Variants in MTHFD1L observed in about 807,000 individuals in gnomAD.
MTHFD1L encodes monofunctional C1-tetrahydrofolate synthase, mitochondrial.
Under a neutral mutation model 119.5 loss-of-function variants are expected in MTHFD1L, and 81 were observed. The ratio of observed to expected loss-of-function variants is 0.68; its 90% CI spans 0.57 to 0.82. The LOEUF (loss-of-function observed/expected upper bound fraction) is 0.82, where lower values mean the gene tolerates loss of function less well. MTHFD1L is among the 40% of genes least tolerant of loss of function. The probability of loss-of-function intolerance (pLI) is 0.00; values close to 1 mark genes in which losing one functional copy is unlikely to be tolerated. For missense variants in MTHFD1L, 1,125 were observed against 1,253.4 expected (o/e 0.90, Z 1.55); for synonymous variants, 430 against 475.2 (o/e 0.90, Z 1.24).
At chr6:150,932,891 G>GAAGGAAGA (rs1554253997) in intron 11 of MTHFD1L, among the ~76,000 whole-genome samples, 1 of 149,814 alleles carries the variant, frequency 6.7e-6, no homozygotes, top group Non-Finnish European at 1.5e-5. Flanking sequence ...AGGAAGGAAG[G>GAAGGAAGA]AAGGAAAAGA....
intron 26 of MTHFD1L, among the ~76,000 whole-genome samples, chr6:151,048,931 A>G (rs375717276): frequency 8.5e-5 from 13 of 152,114 alleles, no homozygotes; most frequent in African/African-American, 2.7e-4. Context: ...ATTCAATTCA[A>G]TCCTGACACT....
At chr6:150,877,460 C>G (rs1310766280) in intron 2 of MTHFD1L, among the ~76,000 whole-genome samples, 174 bp from the exon 3 acceptor site, 2 of 152,192 alleles carry the variant, frequency 1.3e-5, no homozygotes, top group South Asian at 2.1e-4. Flanking sequence ...TGAGGAATTA[C>G]TCTGTTAAAT....
chr6:150,924,942 G>C (rs557913577), intron 10 of MTHFD1L, among the ~76,000 whole-genome samples: 19 of 152,298 alleles, frequency 1.2e-4, no homozygotes, highest in Middle Eastern at 6.8e-3. Context: ...GTACTTGAGG[G>C]GGGTAACCTG....
intron 18 of MTHFD1L, among the ~76,000 whole-genome samples, chr6:150,963,483 TAC>T (rs1264680800): frequency 2.0e-5 from 3 of 149,800 alleles, no homozygotes; most frequent in East Asian, 3.9e-4. Context: ...AATAAATACA[TAC>T]AGTTTTATCT....
intron 20 of MTHFD1L, among the ~76,000 whole-genome samples, chr6:150,978,791 A>G (rs1777005230): frequency 6.6e-6 from 1 of 152,156 alleles, no homozygotes; most frequent in African/African-American, 2.4e-5. Context: ...GAAGCTTAGC[A>G]AGATGATGAT....
At chr6:150,893,591 C>T (rs1053400389) in intron 7 of MTHFD1L, among the ~76,000 whole-genome samples, 1 of 152,204 alleles carries the variant, frequency 6.6e-6, no homozygotes, top group Non-Finnish European at 1.5e-5. Flanking sequence ...CCCCTCAACA[C>T]ATACCTGCTG....
In MTHFD1L at chr6:150,903,649, T is replaced by TTTGGGC. The variant is rs1321675240; in HGVS notation, c.781-1999_781-1994dup. 4.6e-5 allele frequency among the ~76,000 whole-genome samples: 7 copies of TTTGGGC among 152,128 alleles called. No homozygotes were observed. The South Asian group carries it at 1.2e-3, about 27-fold the overall frequency. On this transcript the variant is annotated intron_variant, in intron 7 of 27. Transcript: ENST00000367321. ...ATGTTGCCCAAGCTGTTCTCAAACTTTTGGGCTCAAGCAGTCTTCCCACCC... is the reference window on the plus strand; with the variant it reads ...ATGTTGCCCAAGCTGTTCTCAAACTTTTGGGCTTGGGCTCAAGCAGTCTTCCCACCC...
intron 25 of MTHFD1L, among the ~76,000 whole-genome samples, chr6:151,035,457 G>A (rs143400047): frequency 0.012 from 1,860 of 152,142 alleles, 32 homozygotes; most frequent in African/African-American, 0.041. Context: ...AAATGCTGCC[G>A]TTGCCAGCCA....
chr6:151,006,372 G>A lies in MTHFD1L; in HGVS notation c.2126-3447G>A, dbSNP rs185864253. On this transcript the variant is annotated intron_variant, in intron 20 of 27. Coordinates refer to ENST00000367321, the MANE Select transcript of MTHFD1L (RefSeq NM_015440.5). ...GGTGACAACAAGTAACATAGAGTAT[G>A]TGGGCTGTGCCGGAAGCTTGATATT... Among the ~76,000 whole-genome samples the A allele has an allele frequency of 3.3e-5, 5 of 152,266 alleles. No individual in the cohort carries two copies. The East Asian group carries it at 9.7e-4, about 29-fold the overall frequency.
intron 20 of MTHFD1L, among the ~76,000 whole-genome samples, chr6:150,976,426 T>C (rs4869705): frequency 0.44 from 66,195 of 152,066 alleles, 16,704 homozygotes; most frequent in African/African-American, 0.66. Flanking sequence ...TGTGAGCAAA[T>C]TGACACCAAT....
rs537334268 is a variant in MTHFD1L, at chr6:150,905,190, C to T, written c.781-460C>T. On this transcript the variant is annotated intron_variant, in intron 7 of 27. Transcript: ENST00000367321. ...CTGAGATTACAGGCCCCCACCAGCA[C>T]GCCTGGCTAATTTTTGTATTTTTAG... 2.1e-3 allele frequency among the ~76,000 whole-genome samples: 323 copies of T among 151,878 alleles called. 1 individual carries two copies. The highest frequency in any genetic ancestry group is 4.0e-3 in the Non-Finnish European group (272 of 67,940).
At position 151,039,850 on chromosome 6, in the gene MTHFD1L, A is replaced by C. The variant is rs1277807574; in HGVS notation, c.2847+2733A>C. On this transcript the variant is annotated intron_variant, in intron 26 of 27. Transcript: ENST00000367321. This position sits in a 1 kb window ranked among gnomAD's most constrained non-coding sequence, Gnocchi z 4.4. ...GAATCGCTTGAACCCGGGAGGCAGA[A>C]GTTGCAGTAAGCCAAGATTGCGCCA... Among the ~76,000 whole-genome samples the C allele has an allele frequency of 2.0e-5, 3 of 152,078 alleles. No homozygotes were observed. The highest frequency in any genetic ancestry group is 7.2e-5 in the African/African-American group (3 of 41,396).
chr6:151,005,683 A>G (rs1264540924), intron 20 of MTHFD1L, among the ~76,000 whole-genome samples: 1 of 152,180 alleles, frequency 6.6e-6, no homozygotes, highest in African/African-American at 2.4e-5. Flanking sequence ...CTGAGGTGGG[A>G]GAATCAATTG....
intron 27 of MTHFD1L, among the ~76,000 whole-genome samples, chr6:151,095,270 A>G (rs1014735596): frequency 6.6e-6 from 1 of 152,324 alleles, no homozygotes; most frequent in South Asian, 2.1e-4. Context: ...TGTGTTGCCA[A>G]TGTCTTCCAT....
chr6:150,930,652 C>T (rs1790885326), intron 11 of MTHFD1L, among the ~76,000 whole-genome samples: 2 of 151,798 alleles, frequency 1.3e-5, no homozygotes, highest in South Asian at 4.2e-4. Flanking sequence ...AAATCTTTTT[C>T]CATGCTTTAG....
rs560789722 is a variant in MTHFD1L at position 150,983,232 on chromosome 6, A to C, written c.2125+11174A>C. 2.0e-5 allele frequency among the ~76,000 whole-genome samples: 3 copies of C among 152,066 alleles called. No homozygotes were observed. The East Asian group carries it at 5.8e-4, about 30-fold the overall frequency. ...TTCTCCCCTGTATGGCTTATCTTTT[A>C]AATATGCTTGTTGTACCTTTTCTTG... On this transcript the variant is annotated intron_variant, in intron 20 of 27. Transcript: ENST00000367321.
chr6:150,914,894 A>G (rs1787587812), intron 8 of MTHFD1L, among the ~76,000 whole-genome samples: 1 of 152,112 alleles, frequency 6.6e-6, no homozygotes. Context: ...TGGTTACTCA[A>G]TCCGACCCTA....
rs182730601 is a variant in MTHFD1L, at chr6:151,081,024, T to C, written c.2848-11443T>C. On this transcript the variant is annotated intron_variant, in intron 26 of 27. Transcript: ENST00000367321. ...CTCCAAATGTAGTCGTATTGGGGGATTAGGATGTCAATATAGGGGTTTTGA... is the reference window on the plus strand; with the variant it reads ...CTCCAAATGTAGTCGTATTGGGGGACTAGGATGTCAATATAGGGGTTTTGA... 5.1e-3 allele frequency among the ~76,000 whole-genome samples: 778 copies of C among 152,154 alleles called. 4 individuals carry two copies. The highest frequency in any genetic ancestry group is 0.02 in the Middle Eastern group (6 of 294).
chr6:150,949,288 C>T (rs957035999), intron 16 of MTHFD1L, among the ~76,000 whole-genome samples, 155 bp downstream of exon 16: 15 of 152,082 alleles, frequency 9.9e-5, no homozygotes, highest in Admixed American at 7.2e-4. Context: ...TTACTATTAT[C>T]GTACCACCCT....
Sources: allele counts gnomAD v4.1 joint callset (sites outside exome capture counted in the v4.1 genomes callset), GRCh38; gene constraint gnomAD v4.1.1; non-coding constraint Gnocchi (gnomAD v3.1); transcripts MANE v1.5; gene names NCBI Gene and HGNC (gene_info 2026-07-23, HGNC 2026-07-21).